The following PABPC4L variants were observed in gnomAD, a reference collection of about 807,000 sequenced individuals.
PABPC4L encodes the protein poly(A) binding protein cytoplasmic 4 like.
For synonymous variants in PABPC4L, 169 were observed against 164.1 expected, an observed-to-expected ratio of 1.03 and a Z score of -0.23; for missense variants, 452 against 451.4, an observed-to-expected ratio of 1.00 and a Z score of -0.01.
the PABPC4L span, chr4:133,978,057 T>C: frequency 9.9e-5 from 15 of 152,180 alleles, no homozygotes; most frequent in Non-Finnish European, 2.2e-4. Flanking sequence ...GCAGGACATA[T>C]GTATAAATAA....
At chr4:133,980,094 G>C in the PABPC4L span, among the ~76,000 whole-genome samples, 1 of 152,038 alleles carries the variant, frequency 6.6e-6, no homozygotes, top group Non-Finnish European at 1.5e-5. Flanking sequence ...CTTGAGACTT[G>C]TGAAATATCT....
At chr4:134,022,705 T>G in the PABPC4L span, among the ~76,000 whole-genome samples, 2 of 152,054 alleles carry the variant, frequency 1.3e-5, no homozygotes, top group Non-Finnish European at 2.9e-5. Context: ...TTTTTGATGA[T>G]TATAGACTGT....
At chr4:134,002,686 A>C in the PABPC4L span, among the ~76,000 whole-genome samples, 2 of 152,120 alleles carry the variant, frequency 1.3e-5, no homozygotes, top group East Asian at 3.9e-4. Flanking sequence ...TAATGAGTTT[A>C]ATACAAATGA....
chr4:134,056,051 G>C, the PABPC4L span, among the ~76,000 whole-genome samples: 1 of 151,850 alleles, frequency 6.6e-6, no homozygotes, highest in African/African-American at 2.4e-5. Context: ...AATTGCTATA[G>C]CACCATTTGT....
At chr4:134,166,698 A>G in the PABPC4L span, among the ~76,000 whole-genome samples, 1 of 152,210 alleles carries the variant, frequency 6.6e-6, no homozygotes, top group African/African-American at 2.4e-5. Flanking sequence ...GAAACAGATC[A>G]CAAATTAAGC....
At chr4:134,038,860 G>T in the PABPC4L span, among the ~76,000 whole-genome samples, 1 of 151,966 alleles carries the variant, frequency 6.6e-6, no homozygotes, top group Non-Finnish European at 1.5e-5. Context: ...CTTGTCTTCT[G>T]CTAGCTTTTG....
chr4:134,131,451 CA>C, the PABPC4L span, among the ~76,000 whole-genome samples: 1 of 151,350 alleles, frequency 6.6e-6, no homozygotes, highest in East Asian at 1.9e-4. Flanking sequence ...ACAATACCTG[CA>C]AAAAAATTAA....
At chr4:133,971,427 T>G in the PABPC4L span, among the ~76,000 whole-genome samples, 1 of 152,054 alleles carries the variant, frequency 6.6e-6, no homozygotes, top group Admixed American at 6.6e-5. Flanking sequence ...TCTTTAATAT[T>G]ATTTCACTTT....
downstream of PABPC4L, among the ~76,000 whole-genome samples, chr4:134,193,446 T>G (rs985828473): frequency 3.0e-4 from 46 of 151,982 alleles, no homozygotes; most frequent in Non-Finnish European, 5.6e-4. Flanking sequence ...TCCAAGAGAC[T>G]TACTCTTTTT....
At chr4:133,997,236 G>T in the PABPC4L span, among the ~76,000 whole-genome samples, 2 of 152,100 alleles carry the variant, frequency 1.3e-5, no homozygotes, top group Non-Finnish European at 2.9e-5. Flanking sequence ...TAAATCAAAA[G>T]CCAGAAATGA....
chr4:134,122,738 C>G, the PABPC4L span, among the ~76,000 whole-genome samples: 55 of 151,856 alleles, frequency 3.6e-4, no homozygotes, highest in East Asian at 0.01. Context: ...ATTATTAATA[C>G]AAATAAAAGT....
At chr4:134,075,559 A>C in the PABPC4L span, among the ~76,000 whole-genome samples, 1 of 152,164 alleles carries the variant, frequency 6.6e-6, no homozygotes, top group East Asian at 1.9e-4. Context: ...GACTGTGTTA[A>C]GACTTTTAGC....
At chr4:134,119,219 T>C in the PABPC4L span, among the ~76,000 whole-genome samples, 1 of 151,702 alleles carries the variant, frequency 6.6e-6, no homozygotes, top group South Asian at 2.1e-4. Context: ...CCAATCTCTC[T>C]TTTACAAATT....
the PABPC4L span, among the ~76,000 whole-genome samples, chr4:133,978,329 T>G: frequency 1.3e-5 from 2 of 152,100 alleles, no homozygotes; most frequent in Non-Finnish European, 2.9e-5. Context: ...AGTTGCAGGA[T>G]GGGTGTGGTG....
At chr4:134,121,184 A>G in the PABPC4L span, among the ~76,000 whole-genome samples, 1 of 151,342 alleles carries the variant, frequency 6.6e-6, no homozygotes, top group Non-Finnish European at 1.5e-5. Context: ...ATTATCTCAT[A>G]AAAGTCTTAA....
At chr4:134,151,860 T>C in the PABPC4L span, among the ~76,000 whole-genome samples, 1 of 151,816 alleles carries the variant, frequency 6.6e-6, no homozygotes, top group African/African-American at 2.4e-5. Flanking sequence ...AAGCTTATTA[T>C]AATATAAGAA....
At chr4:134,178,881 G>GA in the PABPC4L span, among the ~76,000 whole-genome samples, 4 of 151,962 alleles carry the variant, frequency 2.6e-5, no homozygotes, top group East Asian at 1.9e-4. Flanking sequence ...AACATCTGAG[G>GA]AAAAAAATGG....
At chr4:134,023,989 A>T in the PABPC4L span, among the ~76,000 whole-genome samples, 1 of 152,210 alleles carries the variant, frequency 6.6e-6, no homozygotes, top group Non-Finnish European at 1.5e-5. Context: ...ATTAATTATG[A>T]TCAATAACAA....
chr4:134,083,525 A>T, the PABPC4L span, among the ~76,000 whole-genome samples: 1 of 152,152 alleles, frequency 6.6e-6, no homozygotes, highest in African/African-American at 2.4e-5. Flanking sequence ...CCAGGCAGGG[A>T]CATTCCTGAA....
Sources: allele counts gnomAD v4.1 joint callset (sites outside exome capture counted in the v4.1 genomes callset), GRCh38; gene constraint gnomAD v4.1.1; transcripts MANE v1.5; gene names NCBI Gene and HGNC (gene_info 2026-07-23, HGNC 2026-07-21).